Variants in XPNPEP1 observed in about 807,000 individuals in gnomAD.
XPNPEP1 encodes X-prolyl aminopeptidase 1, also known as xaa-Pro aminopeptidase 1.
In XPNPEP1, 39 loss-of-function variants were observed where a neutral mutation model predicts 92.4. The ratio of observed to expected loss-of-function variants is 0.42; its 90% CI spans 0.33 to 0.55. The LOEUF (loss-of-function observed/expected upper bound fraction) is 0.55, where lower values mean the gene tolerates loss of function less well. XPNPEP1 is among the 20% of genes least tolerant of loss of function. XPNPEP1 has a pLI of 0.08. For missense variants in XPNPEP1, 654 were observed against 856.1 expected (o/e 0.76, Z 2.95); for synonymous variants, 307 against 299.4 (o/e 1.03, Z -0.26).
chr10:109,918,705 G>A (rs191868283), intron 1 of XPNPEP1, among the ~76,000 whole-genome samples: 29 of 152,124 alleles, frequency 1.9e-4, no homozygotes, highest in Admixed American at 5.9e-4. Flanking sequence ...AGCTTGCAGT[G>A]AGCTGAGATC....
In XPNPEP1 at chr10:109,893,059, G is replaced by A. The variant is rs1564772421; in HGVS notation, c.263C>T (p.Pro88Leu). ...GDAHQSEYIA[P>L]CDCRRAFVSG... Reference sequence around the variant, plus strand: ...GACAAAAGCCCGCCGACAGTCACATGGAGCAATATACTCACTCTGGAAAAC... The same window carrying A: ...GACAAAAGCCCGCCGACAGTCACATAGAGCAATATACTCACTCTGGAAAAC... The change falls in exon 4 of 21, where the codon CCA becomes CTA. Residue 88 changes from proline (P) to leucine (L), a missense_variant. Transcript: ENST00000502935. 6.2e-7 allele frequency: 1 copy of A among 1,613,748 alleles called. No homozygotes were observed. The highest frequency in any genetic ancestry group is 1.7e-5 in the Admixed American group (1 of 59,972).
At chr10:109,918,863 GGAAGGAAGGAA>G (rs1850353267) in intron 1 of XPNPEP1, among the ~76,000 whole-genome samples, 81 of 34,888 alleles carry the variant, frequency 2.3e-3, no homozygotes, top group African/African-American at 0.01. Context: ...AAGGAGGGAA[GGAAGGAAGGAA>G]GGAAGGAAGG....
intron 7 of XPNPEP1, among the ~76,000 whole-genome samples, chr10:109,886,567 T>C (rs1335416387): frequency 6.6e-6 from 1 of 152,212 alleles, no homozygotes; most frequent in Non-Finnish European, 1.5e-5. Context: ...CATTTACGCA[T>C]CCCACAAATG....
intron 2 of XPNPEP1, among the ~76,000 whole-genome samples, chr10:109,912,174 T>G (rs138455969): frequency 6.6e-6 from 1 of 152,184 alleles, no homozygotes; most frequent in East Asian, 1.9e-4. Context: ...TCACTGACAC[T>G]CCCCTCCACA....
chr10:109,882,948 C>T (rs1342883563), intron 9 of XPNPEP1, among the ~76,000 whole-genome samples: 1 of 152,216 alleles, frequency 6.6e-6, no homozygotes, highest in East Asian at 1.9e-4. Flanking sequence ...CATCTACAGC[C>T]TCGCCCAGTC....
chr10:109,870,737 T>A lies in XPNPEP1; in HGVS notation c.1690A>T (p.Thr564Ser). 2 of 1,614,032 alleles carry A rather than the reference T, an allele frequency of 1.2e-6. No individual in the cohort carries two copies. The highest frequency in any genetic ancestry group is 1.7e-6 in the Non-Finnish European group (2 of 1,179,944). ...DEPLEAGMIV[T>S]DEPGYYEDGA... is the part of the protein sequence containing the mutation. Reference sequence around the variant, plus strand: ...CTATGTGAGGGACACTTACCATCAGTGACAATCATGCCTGCCTCCAAGGGC... The same window carrying A: ...CTATGTGAGGGACACTTACCATCAGAGACAATCATGCCTGCCTCCAAGGGC... Residue 564 changes from threonine to serine, a missense_variant, in exon 18 of 21, where the codon ACT (threonine) becomes TCT (serine). Physicochemically the swap from Thr to Ser is moderately conservative, Grantham distance 58. Transcript: ENST00000502935.
At chr10:109,911,959 A>G (rs1278248220) in intron 2 of XPNPEP1, among the ~76,000 whole-genome samples, 1 of 152,196 alleles carries the variant, frequency 6.6e-6, no homozygotes, top group Non-Finnish European at 1.5e-5. Flanking sequence ...AACACAACCA[A>G]TCATGAGCAC....
In XPNPEP1 at chr10:109,865,261, C is replaced by T. The variant is rs148080323; in HGVS notation, c.1924G>A (p.Glu642Lys). 4 of 1,614,166 alleles carry T rather than the reference C, an allele frequency of 2.5e-6. No individual in the cohort carries two copies. The highest frequency in any genetic ancestry group is 3.4e-6 in the Non-Finnish European group (4 of 1,180,036). Residue 642 changes from glutamate (E) to lysine (K), a missense_variant, in exon 21 of 21, where the codon GAA becomes AAA. Physicochemically the swap from Glu to Lys is moderately conservative, Grantham distance 56 (BLOSUM62 1). Coordinates refer to ENST00000502935, the MANE Select transcript of XPNPEP1 (RefSeq NM_020383.4). ...HLTCRDVIGK[E>K]LQKQGRQEAL... ...TCCTGGCGGCCCTGTTTCTGCAATT[C>T]CTTCCCAATCACATCCCTGCAGGTC... is the stretch of plus-strand genomic sequence containing the variant.
rs951876190 is a variant in XPNPEP1, at chr10:109,914,669, G to A, written c.121+342C>T. 3.3e-5 allele frequency among the ~76,000 whole-genome samples: 5 copies of A among 152,030 alleles called. No homozygotes were observed. The South Asian group carries it at 1.0e-3, about 32-fold the overall frequency. ...AAATTAGCTGGGCGTGGTGTCGGGC[G>A]CCTGTAATCCCAGCTACTCCGGAGG... On this transcript the variant is annotated intron_variant, in intron 2 of 20. Coordinates refer to ENST00000502935, the MANE Select transcript of XPNPEP1 (RefSeq NM_020383.4).
intron 1 of XPNPEP1, among the ~76,000 whole-genome samples, chr10:109,917,161 A>C (rs1028688616): frequency 6.6e-6 from 1 of 152,170 alleles, no homozygotes; most frequent in Non-Finnish European, 1.5e-5. Context: ...AATGAAACAA[A>C]AGGCATCCAG....
chr10:109,889,592 A>G (rs1051806250), intron 5 of XPNPEP1, among the ~76,000 whole-genome samples: 3 of 152,232 alleles, frequency 2.0e-5, no homozygotes, highest in Admixed American at 6.5e-5. Context: ...TAGAACTAAA[A>G]TTACTTCTAT....
intron 2 of XPNPEP1, among the ~76,000 whole-genome samples, chr10:109,914,311 C>T (rs1490842474): frequency 1.3e-5 from 2 of 152,148 alleles, no homozygotes; most frequent in African/African-American, 2.4e-5. Flanking sequence ...ACAAGCTTTT[C>T]TCATTTTGCA....
At chr10:109,891,495 C>A (rs1275865360) in intron 5 of XPNPEP1, 2 of 400,470 alleles carry the variant, frequency 5.0e-6, no homozygotes, top group African/African-American at 2.1e-5. Flanking sequence ...CTCTAGCCCT[C>A]AGTTTCCCCT....
At chr10:109,918,891 GGAAGGAAGGAAGGAAGGAAGGAAGGA>G (rs1325851284) in intron 1 of XPNPEP1, among the ~76,000 whole-genome samples, 3 of 91,450 alleles carry the variant, frequency 3.3e-5, no homozygotes, top group East Asian at 2.4e-4. Context: ...AAGGAAGGAA[GGAAGGAAGGAAGGAAGGAAGGAAGGA>G]GAGAGAGAAA....
intron 3 of XPNPEP1, 85 bp from the exon 4 acceptor site, chr10:109,893,160 C>CTT: frequency 7.6e-7 from 1 of 1,320,752 alleles, no homozygotes; most frequent in Non-Finnish European, 1.1e-6. Flanking sequence ...CTAGGCTCAG[C>CTT]GGGGACTATG....
At chr10:109,921,514 C>T (rs1850539467) in intron 1 of XPNPEP1, among the ~76,000 whole-genome samples, 1 of 152,212 alleles carries the variant, frequency 6.6e-6, no homozygotes, top group East Asian at 1.9e-4. Context: ...TACCTCACCC[C>T]CCTGCAACCC....
At chr10:109,905,633 A>G (rs1420553701) in intron 3 of XPNPEP1, among the ~76,000 whole-genome samples, 2 of 152,148 alleles carry the variant, frequency 1.3e-5, no homozygotes, top group Admixed American at 6.5e-5. Context: ...AGTTCTAGAG[A>G]TCTGTTGCAC....
chr10:109,881,035 T>C, intron 10 of XPNPEP1, 104 bp from the exon 11 acceptor site: 1 of 1,136,894 alleles, frequency 8.8e-7, no homozygotes. Context: ...GACAAATCAT[T>C]TGAAGAGCTC....
intron 2 of XPNPEP1, among the ~76,000 whole-genome samples, chr10:109,909,752 A>G (rs1849759420): frequency 6.6e-6 from 1 of 152,202 alleles, no homozygotes. Context: ...ATTAGAATTC[A>G]AAGTAGAATA....
Sources: allele counts gnomAD v4.1 joint callset (sites outside exome capture counted in the v4.1 genomes callset), GRCh38; gene constraint gnomAD v4.1.1; transcripts MANE v1.5; gene names NCBI Gene and HGNC (gene_info 2026-07-23, HGNC 2026-07-21).